The following HAUS6 variants were observed in gnomAD, a reference collection of about 807,000 sequenced individuals.
HAUS6 encodes HAUS augmin like complex subunit 6.
In HAUS6, 80 loss-of-function variants were observed where a neutral mutation model predicts 106.8. The ratio of observed to expected loss-of-function variants is 0.75; its 90% CI spans 0.63 to 0.90. The LOEUF (loss-of-function observed/expected upper bound fraction) is 0.90, where lower values mean the gene tolerates loss of function less well. Among genes scored for constraint, HAUS6 ranks in the 40% least tolerant of loss-of-function variants. The probability of loss-of-function intolerance (pLI) is 0.00; values close to 1 mark genes in which losing one functional copy is unlikely to be tolerated. For missense variants in HAUS6, 1,155 were observed against 1,118.1 expected, an observed-to-expected ratio of 1.03 and a Z score of -0.47; for synonymous variants, 356 against 379.1, an observed-to-expected ratio of 0.94 and a Z score of 0.71.
rs567621193 is a variant in HAUS6 at position 19,058,544 on chromosome 9, A to C, written c.2223T>G (p.Val741=). Residue 741 remains valine, a synonymous_variant, in exon 16 of 17, where the codon GTT becomes GTG. Transcript: ENST00000380502. ...EFMKILDHLE[V]SCNKPSTNKT... ...TATTTGTGGAAGGTTTGTTACAAGA[A>C]ACTTCTAAGTGGTCCAATATTTTCA... The C allele has an allele frequency of 3.8e-6, 6 of 1,585,936 alleles. No individual in the cohort carries two copies. The South Asian group carries it at 6.7e-5, about 18-fold the overall frequency.
chr9:19,092,370 CT>C (rs1421958121), intron 4 of HAUS6, among the ~76,000 whole-genome samples: 1 of 151,514 alleles, frequency 6.6e-6, no homozygotes, highest in Non-Finnish European at 1.5e-5. Context: ...AATCCTAACA[CT>C]TTGGGAGGCC....
intron 5 of HAUS6, among the ~76,000 whole-genome samples, chr9:19,087,685 C>G (rs555324154): frequency 5.5e-4 from 83 of 151,792 alleles, no homozygotes; most frequent in African/African-American, 1.9e-3. Flanking sequence ...AAGACCCTGT[C>G]TCTACAAAAA....
intron 9 of HAUS6, among the ~76,000 whole-genome samples, chr9:19,078,781 G>C (rs1297312723): frequency 6.8e-6 from 1 of 148,124 alleles, no homozygotes; most frequent in East Asian, 2.0e-4. Context: ...TGGGAGACAA[G>C]AGTAAAACTC....
chr9:19,096,578 A>C lies in HAUS6; in HGVS notation c.224+96T>G, dbSNP rs984221281. The C allele has an allele frequency of 2.0e-4, 106 of 534,452 alleles. 1 individual carries two copies. In the East Asian group the frequency reaches 3.9e-3, roughly 20 times the overall value. 33.1% of individuals were successfully genotyped at this position (534,452 alleles called of 1,614,324 possible). A position where few individuals can be genotyped will look rare whatever the true frequency, so the allele number is the denominator to read the frequency against. ...AGACTCCGTCTCAAAAAAAAAAAAAAAAAAAAAAAAAGGAGAGAATTCTGG... is the reference window on the plus strand; with the variant it reads ...AGACTCCGTCTCAAAAAAAAAAAAACAAAAAAAAAAAGGAGAGAATTCTGG... On this transcript the variant is annotated intron_variant, in intron 2 of 16. Transcript: ENST00000380502.
In HAUS6 at chr9:19,083,001, A is replaced by G; in HGVS notation, c.742T>C (p.Leu248=). Residue 248 remains leucine (L), a synonymous_variant, in exon 8 of 17, where the codon TTG becomes CTG. Transcript: ENST00000380502. ...WASVNETLMF[L]EKEREVVSSV... ...CTAACAACTTCTCTCTCTTTTTCCA[A>G]AAACATGAGCGTTTCATTCACTGAA... 1 of 1,592,044 alleles carries G rather than the reference A, an allele frequency of 6.3e-7. No homozygotes were observed. Among genetic ancestry groups the G allele is most frequent in the Non-Finnish European group, 8.5e-7 (1 of 1,171,548 alleles).
chr9:19,081,652 C>T (rs1837153377), intron 8 of HAUS6, among the ~76,000 whole-genome samples: 1 of 152,020 alleles, frequency 6.6e-6, no homozygotes, highest in Non-Finnish European at 1.5e-5. Context: ...GTTGGCCAGG[C>T]TGGTCTCAAT....
intron 1 of HAUS6, among the ~76,000 whole-genome samples, chr9:19,101,482 G>A (rs1009085361): frequency 6.6e-6 from 1 of 151,630 alleles, no homozygotes; most frequent in Non-Finnish European, 1.5e-5. Context: ...CAGAGTGGGA[G>A]ACCCTGTCTC....
chr9:19,097,746 C>T (rs939477054), intron 1 of HAUS6, among the ~76,000 whole-genome samples: 2 of 150,934 alleles, frequency 1.3e-5, no homozygotes, highest in Non-Finnish European at 2.9e-5. Flanking sequence ...GCCAATTACC[C>T]TAATTAATCA....
At chr9:19,061,289 C>G (rs145762225) in intron 14 of HAUS6, among the ~76,000 whole-genome samples, 2 of 152,310 alleles carry the variant, frequency 1.3e-5, no homozygotes, top group African/African-American at 4.8e-5. Flanking sequence ...CTGTCATAAA[C>G]ACTCTTAAAG....
intron 9 of HAUS6, 68 bp from the exon 10 acceptor site, chr9:19,078,370 A>C: frequency 1.1e-6 from 1 of 894,208 alleles, no homozygotes; most frequent in Non-Finnish European, 1.8e-6. Context: ...AATTTAAGAA[A>C]ATAACAATAG....
At chr9:19,090,486 T>C (rs1051645031) in intron 4 of HAUS6, among the ~76,000 whole-genome samples, 1 of 152,048 alleles carries the variant, frequency 6.6e-6, no homozygotes, top group Non-Finnish European at 1.5e-5. Flanking sequence ...TGCCTCAGCC[T>C]CCCAAGTAGC....
At chr9:19,057,655 C>T in intron 16 of HAUS6, 1 of 373,100 alleles carries the variant, frequency 2.7e-6, no homozygotes. Context: ...GTTTAAAAAC[C>T]ACCTTCCACT....
chr9:19,101,373 C>T (rs1817983903), intron 1 of HAUS6, among the ~76,000 whole-genome samples: 2 of 150,986 alleles, frequency 1.3e-5, no homozygotes, highest in South Asian at 4.2e-4. Flanking sequence ...CACCTGTAGT[C>T]CCAGCTACTC....
intron 5 of HAUS6, 51 bp downstream of exon 5, chr9:19,089,361 C>T (rs1365332438): frequency 1.7e-6 from 2 of 1,157,216 alleles, no homozygotes; most frequent in Non-Finnish European, 2.6e-6. Context: ...ATATTGGTGA[C>T]ATCTGTTCAA....
rs1016974491 is a variant in HAUS6, at chr9:19,070,249, G to T, written c.1346C>A (p.Thr449Asn). ...QENGCRGDSD[T>N]LGALHDLANS... ...GGCTAGATCATGTAGCGCTCCCAAG[G>T]TATCACTGTCTCCTCTGCAACCATT... The change falls in exon 12 of 17, where the codon ACC becomes AAC. Residue 449 changes from threonine (T) to asparagine (N), a missense_variant. Transcript: ENST00000380502. 6 of 1,600,214 alleles carry T rather than the reference G, an allele frequency of 3.7e-6. No homozygotes were observed. Among genetic ancestry groups the T allele is most frequent in the Non-Finnish European group, 5.1e-6 (6 of 1,168,144 alleles).
intron 1 of HAUS6, among the ~76,000 whole-genome samples, chr9:19,099,837 C>T (rs1817949709): frequency 6.6e-6 from 1 of 152,126 alleles, no homozygotes; most frequent in Non-Finnish European, 1.5e-5. Flanking sequence ...ATCACTTAAG[C>T]CCAGAGGGTC....
chr9:19,077,404 G>A lies in HAUS6; in HGVS notation c.1192-700C>T, dbSNP rs182807163. Among the ~76,000 whole-genome samples the A allele has an allele frequency of 7.2e-5, 11 of 152,158 alleles. No homozygotes were observed. The South Asian group carries it at 8.3e-4, about 12-fold the overall frequency. On this transcript the variant is annotated intron_variant, in intron 10 of 16. Coordinates refer to ENST00000380502, the MANE Select transcript of HAUS6 (RefSeq NM_017645.5). ...AGAAAAATTAGCCGAGCGTGGTGGC[G>A]GGCACCTTTAGTCCCGGCTACTTGG...
intron 8 of HAUS6, among the ~76,000 whole-genome samples, chr9:19,081,704 G>C (rs1418288406): frequency 6.6e-6 from 1 of 152,110 alleles, no homozygotes; most frequent in Non-Finnish European, 1.5e-5. Flanking sequence ...TTCCCAAAGT[G>C]TTGGGATTAT....
At position 19,063,588 on chromosome 9, in the gene HAUS6, GA is replaced by G; in HGVS notation, c.1377-9del. The G allele has an allele frequency of 2.5e-6, 4 of 1,592,840 alleles. No individual in the cohort carries two copies. The highest frequency in any genetic ancestry group is 1.7e-4 in the Middle Eastern group (1 of 6,008). On this transcript the variant is annotated splice_polypyrimidine_tract_variant and intron_variant, in intron 12 of 16. Transcript: ENST00000380502. ...GACAAGAAAGAGGCAGGGCTAAAAGGAAAAAAGACAACAAATCCAAGTTATA... is the reference window on the plus strand; with the variant it reads ...GACAAGAAAGAGGCAGGGCTAAAAGGAAAAAGACAACAAATCCAAGTTATA...
Sources: gnomAD v4.1 joint callset for allele counts (sites outside exome capture counted in the v4.1 genomes callset) on GRCh38, gnomAD v4.1.1 for gene constraint, MANE v1.5 for transcripts, NCBI Gene and HGNC (gene_info 2026-07-23, HGNC 2026-07-21) for gene names.